UBR3: variants seen among roughly 807,000 people sequenced by gnomAD.
The protein encoded by UBR3 is ubiquitin protein ligase E3 component n-recognin 3.
A neutral mutation model predicts 243.2 loss-of-function variants in UBR3; 85 were observed. The ratio of observed to expected loss-of-function variants is 0.35; its 90% confidence interval spans 0.29 to 0.42. The LOEUF (loss-of-function observed/expected upper bound fraction) is 0.42, where lower values mean the gene tolerates loss of function less well. UBR3 is among the 10% of genes least tolerant of loss of function. The pLI, the probability that UBR3 is intolerant of heterozygous loss-of-function variation, is 1.00. For missense variants in UBR3, 1,686 were observed against 2,300.8 expected, an observed-to-expected ratio of 0.73 and a Z score of 5.47; for synonymous variants, 748 against 799.8, an observed-to-expected ratio of 0.94 and a Z score of 1.09.
At chr2:170,000,363 GA>G (rs1467216891) in intron 26 of UBR3, among the ~76,000 whole-genome samples, 1 of 152,204 alleles carries the variant, frequency 6.6e-6, no homozygotes, top group East Asian at 1.9e-4. Flanking sequence ...AACTGTTTAA[GA>G]ACCACTTCTC....
chr2:169,905,835 A>G (rs1257212141), intron 9 of UBR3, among the ~76,000 whole-genome samples, 196 bp from the exon 10 acceptor site: 1 of 152,236 alleles, frequency 6.6e-6, no homozygotes, highest in African/African-American at 2.4e-5. Context: ...AATGTTTCTA[A>G]GAAAACCTAG....
intron 5 of UBR3, among the ~76,000 whole-genome samples, chr2:169,890,569 A>ATATATATATGTATATATATATGTG (rs1415148340): frequency 3.0e-5 from 3 of 101,546 alleles, no homozygotes; most frequent in Non-Finnish European, 6.0e-5. Context: ...ATATATGTGT[A>ATATATATATGTATATATATATGTG]TATATATATA....
At chr2:169,973,684 GC>G (rs1159058747) in intron 24 of UBR3, among the ~76,000 whole-genome samples, 1 of 151,976 alleles carries the variant, frequency 6.6e-6, no homozygotes, top group Non-Finnish European at 1.5e-5. Context: ...CCATTTGGAT[GC>G]CCATTATTTC....
chr2:169,972,637 C>T (rs1268282273), intron 24 of UBR3, among the ~76,000 whole-genome samples: 1 of 152,124 alleles, frequency 6.6e-6, no homozygotes, highest in Non-Finnish European at 1.5e-5. Context: ...TGTAATCCAG[C>T]GTATAAGCAG....
intron 38 of UBR3, 21 bp downstream of exon 38, chr2:170,080,705 T>C: frequency 6.2e-7 from 1 of 1,601,964 alleles, no homozygotes; most frequent in Admixed American, 1.7e-5. Context: ...CATGGATATA[T>C]CCAGGTGTTT....
In UBR3 at chr2:169,923,972, A is replaced by C; in HGVS notation, c.1910A>C (p.Tyr637Ser). 1 of 1,547,108 alleles carries C rather than the reference A, an allele frequency of 6.5e-7. No individual in the cohort carries two copies. The highest frequency in any genetic ancestry group is 8.7e-7 in the Non-Finnish European group (1 of 1,145,812). The change falls in exon 12 of 39, where the codon TAC becomes TCC. Residue 637 changes from tyrosine to serine, a missense_variant. By Grantham distance (144) the Tyr-to-Ser change is moderately radical. Transcript: ENST00000272793. Reference sequence around the variant, plus strand: ...ACTTTTCATCTGCCACTACATCGTTACTATGCTATGTTTTTGAGTAAGGTA... The same window carrying C: ...ACTTTTCATCTGCCACTACATCGTTCCTATGCTATGTTTTTGAGTAAGGTA... ...QVTFHLPLHR[Y>S]YAMFLSKAVK...
chr2:169,932,181 G>A (rs2086159137), intron 18 of UBR3, among the ~76,000 whole-genome samples: 1 of 151,576 alleles, frequency 6.6e-6, no homozygotes, highest in East Asian at 1.9e-4. Flanking sequence ...GGGTTCAAGT[G>A]TTTCTCCTGC....
chr2:170,029,274 G>T, intron 30 of UBR3, 72 bp from the exon 31 acceptor site: 1 of 1,260,506 alleles, frequency 7.9e-7, no homozygotes, highest in Non-Finnish European at 1.1e-6. Flanking sequence ...GAAATAACTA[G>T]AAATTTTGTC....
intron 1 of UBR3, among the ~76,000 whole-genome samples, chr2:169,828,537 G>A (rs1373159975): frequency 6.6e-6 from 1 of 152,042 alleles, no homozygotes; most frequent in South Asian, 2.1e-4. Context: ...TACGTGCAGG[G>A]AAGGACGCTT....
In UBR3 at chr2:169,949,866, GA is replaced by G; in HGVS notation, c.3349del (p.Ile1117PhefsTer2). On this transcript the variant is annotated frameshift_variant, in exon 23 of 39. Coordinates refer to ENST00000272793, the MANE Select transcript of UBR3 (RefSeq NM_172070.4). LOFTEE classifies it high-confidence loss of function. ...CTATCCTCCTTGGCTTGATGACATA[GA>G]AATTTTAATCCAACCAGAAATTCCT... ...SYYPPWLDDIEILIQPEIPKY... is the reference protein window; with the variant it reads ...SYYPPWLDDIXILIQPEIPKY... 6.3e-7 allele frequency: 1 copy of G among 1,597,844 alleles called. No individual in the cohort carries two copies. Among genetic ancestry groups the G allele is most frequent in the Non-Finnish European group, 8.5e-7 (1 of 1,170,760 alleles).
chr2:170,001,284 GTCT>G lies in UBR3; in HGVS notation c.3919-15_3919-13del, dbSNP rs777250646. ...TACTTCTTTAAAATTAATTGTATTT[GTCT>G]TCTTTTTATTTTGAAGAGTTCATGT... is the stretch of plus-strand genomic sequence containing the variant. On this transcript the variant is annotated splice_polypyrimidine_tract_variant and intron_variant, in intron 26 of 38. Transcript: ENST00000272793. 3.2e-5 allele frequency: 49 copies of G among 1,515,078 alleles called. No individual in the cohort carries two copies. Among genetic ancestry groups the G allele is most frequent in the Admixed American group, 2.7e-4 (16 of 59,066 alleles). 93.9% of individuals were successfully genotyped at this position (1,515,078 alleles called of 1,614,324 possible).
intron 20 of UBR3, among the ~76,000 whole-genome samples, chr2:169,945,083 AC>A (rs1043245615): frequency 6.6e-6 from 1 of 151,768 alleles, no homozygotes; most frequent in African/African-American, 2.4e-5. Context: ...ACAGATATTA[AC>A]TCATGCAATC....
intron 5 of UBR3, among the ~76,000 whole-genome samples, chr2:169,880,206 T>C (rs1421783877): frequency 6.6e-6 from 1 of 152,176 alleles, no homozygotes; most frequent in Non-Finnish European, 1.5e-5. Flanking sequence ...TAGACAACTA[T>C]TGCATGATGA....
At chr2:170,073,693 A>G (rs981260541) in intron 36 of UBR3, 86 bp downstream of exon 36, 2 of 1,412,888 alleles carry the variant, frequency 1.4e-6, no homozygotes. Context: ...ATTTTAGGTC[A>G]TCTGTTTTTG....
At chr2:169,907,043 T>TC (rs1355324808) in intron 10 of UBR3, among the ~76,000 whole-genome samples, 229 of 148,212 alleles carry the variant, frequency 1.5e-3, no homozygotes, top group African/African-American at 5.2e-3. Context: ...TTTCTTTTTT[T>TC]TTTTTTTTTT....
chr2:170,020,858 C>T (rs115360465), intron 30 of UBR3, among the ~76,000 whole-genome samples: 3,313 of 152,240 alleles, frequency 0.022, 114 homozygotes, highest in African/African-American at 0.075. Context: ...TAGAGGCTGT[C>T]AGTGAAATCA....
intron 11 of UBR3, among the ~76,000 whole-genome samples, chr2:169,919,912 G>A (rs1340569526): frequency 1.3e-5 from 2 of 152,264 alleles, no homozygotes; most frequent in South Asian, 2.1e-4. Context: ...CGATTCCTCA[G>A]GGATCTAGAA....
chr2:169,934,715 G>C (rs1026002119), intron 19 of UBR3, among the ~76,000 whole-genome samples: 2 of 152,162 alleles, frequency 1.3e-5, no homozygotes, highest in African/African-American at 4.8e-5. Context: ...TCACAATTTA[G>C]CTCTGTGCCA....
intron 30 of UBR3, among the ~76,000 whole-genome samples, chr2:170,017,614 A>G (rs1409857571): frequency 3.9e-5 from 6 of 151,958 alleles, no homozygotes; most frequent in African/African-American, 1.5e-4. Context: ...TCTTTCTACA[A>G]CAATGAAAGC....
Sources: gnomAD v4.1 joint callset for allele counts (sites outside exome capture counted in the v4.1 genomes callset) on GRCh38, gnomAD v4.1.1 for gene constraint, MANE v1.5 for transcripts, NCBI Gene and HGNC (gene_info 2026-07-23, HGNC 2026-07-21) for gene names.